The following KIF26B variants were observed in gnomAD, a reference collection of about 807,000 sequenced individuals.
KIF26B encodes the protein kinesin family member 26B, also known as kinesin-like protein KIF26B.
KIF26B carries 63 observed loss-of-function variants against 151.2 expected under a neutral mutation model. That is an observed-to-expected ratio of 0.42 (90% CI 0.34 to 0.51). KIF26B has a LOEUF of 0.51. Ranked by LOEUF, KIF26B falls within the 20% of genes least tolerant of loss-of-function variation. The pLI is 0.07. For synonymous variants in KIF26B, 1,357 were observed against 1,262.1 expected (o/e 1.08, Z -1.59); for missense variants, 2,813 against 2,913.6 (o/e 0.97, Z 0.79).
intron 2 of KIF26B, among the ~76,000 whole-genome samples, chr1:245,307,865 C>T (rs1268066909): frequency 6.6e-6 from 1 of 152,100 alleles, no homozygotes; most frequent in Non-Finnish European, 1.5e-5. Flanking sequence ...CTCAGCCTCC[C>T]AAGTAGCTGG....
chr1:245,528,565 T>G (rs1661293482), intron 4 of KIF26B, among the ~76,000 whole-genome samples: 1 of 152,154 alleles, frequency 6.6e-6, no homozygotes, highest in South Asian at 2.1e-4. Flanking sequence ...TGGGTGGAGA[T>G]AAATATTCAT....
At chr1:245,693,919 T>C (rs1290811202) in intron 12 of KIF26B, among the ~76,000 whole-genome samples, 1 of 152,212 alleles carries the variant, frequency 6.6e-6, no homozygotes, top group African/African-American at 2.4e-5. Flanking sequence ...CAGTTGAGAA[T>C]AGGTTCAGAA....
chr1:245,433,132 C>G (rs1658821250), intron 4 of KIF26B, among the ~76,000 whole-genome samples: 1 of 152,140 alleles, frequency 6.6e-6, no homozygotes, highest in Non-Finnish European at 1.5e-5. Context: ...TGCTTGAAAA[C>G]TTAGATCTCT....
At position 245,685,854 on chromosome 1, in the gene KIF26B, G is replaced by A; in HGVS notation, c.2871G>A (p.Glu957=). 1 of 1,612,752 alleles carries A rather than the reference G, an allele frequency of 6.2e-7. No homozygotes were observed. Among genetic ancestry groups the A allele is most frequent in the Non-Finnish European group, 8.5e-7 (1 of 1,179,786 alleles). ...FEELPAQFGP[E]QASRGPRLSQ... ...AACTGCCTGCTCAGTTTGGGCCAGA[G>A]CAGGCAAGCAGAGGCCCCCGGTTAA... Residue 957 remains glutamate (E), a synonymous_variant, in exon 12 of 15, where the codon GAG becomes GAA. Coordinates refer to ENST00000407071, the MANE Select transcript of KIF26B (RefSeq NM_018012.4).
chr1:245,555,360 G>C (rs1275562683), intron 5 of KIF26B, among the ~76,000 whole-genome samples: 1 of 152,192 alleles, frequency 6.6e-6, no homozygotes, highest in African/African-American at 2.4e-5. Context: ...AGTGCTCCGG[G>C]ACGCTTCTCG....
At position 245,564,989 on chromosome 1, in the gene KIF26B, C is replaced by T. The variant is rs1200467013; in HGVS notation, c.1350+24039C>T. ...AACAGGACACCGACTAGCACTGGTC[C>T]GTGGCCTGGGGGTTAGGGAGCCCTG... On this transcript the variant is annotated intron_variant, in intron 5 of 14. Coordinates refer to ENST00000407071, the MANE Select transcript of KIF26B (RefSeq NM_018012.4). This position sits in a 1 kb window ranked among gnomAD's most constrained non-coding sequence, Gnocchi z 4.6. Among the ~76,000 whole-genome samples, 1 of 152,034 alleles carries T rather than the reference C, an allele frequency of 6.6e-6. No individual in the cohort carries two copies. The highest frequency in any genetic ancestry group is 1.5e-5 in the Non-Finnish European group (1 of 68,020).
At chr1:245,368,845 C>T (rs1340412205) in intron 3 of KIF26B, among the ~76,000 whole-genome samples, 2 of 152,084 alleles carry the variant, frequency 1.3e-5, no homozygotes, top group Non-Finnish European at 2.9e-5. Flanking sequence ...TGACAAGAAT[C>T]CAGTCTTTGC....
chr1:245,404,373 G>A (rs1046480004), intron 3 of KIF26B, among the ~76,000 whole-genome samples: 32 of 152,244 alleles, frequency 2.1e-4, no homozygotes, highest in African/African-American at 7.0e-4. Context: ...TGGAAGAGAT[G>A]AACTCCCGGG....
chr1:245,498,046 T>C (rs1037483143), intron 4 of KIF26B, among the ~76,000 whole-genome samples: 1 of 152,200 alleles, frequency 6.6e-6, no homozygotes, highest in Non-Finnish European at 1.5e-5. Flanking sequence ...CATCTCAAAC[T>C]CCATATGTAA....
chr1:245,420,511 T>C (rs1477936812), intron 4 of KIF26B, among the ~76,000 whole-genome samples: 1 of 152,224 alleles, frequency 6.6e-6, no homozygotes, highest in Non-Finnish European at 1.5e-5. Flanking sequence ...TTTTTCTGTA[T>C]AACTCATGTT....
chr1:245,212,052 G>T lies in KIF26B; in HGVS notation c.465+55369G>T, dbSNP rs571047497. On this transcript the variant is annotated intron_variant, in intron 2 of 14. Transcript: ENST00000407071. ...CTTGAGGAAGGGTCCCCCCTTAGCC[G>T]TGGCCCAGGGACACTGCCCCTCCCC... is the stretch of plus-strand genomic sequence containing the variant. Among the ~76,000 whole-genome samples, 4 of 152,248 alleles carry T rather than the reference G, an allele frequency of 2.6e-5. No individual in the cohort carries two copies. In the South Asian group the frequency reaches 6.2e-4, roughly 24 times the overall value.
intron 4 of KIF26B, among the ~76,000 whole-genome samples, chr1:245,519,281 C>T (rs936443987): frequency 5.9e-5 from 9 of 152,160 alleles, no homozygotes; most frequent in African/African-American, 1.9e-4. Context: ...AGGCCAGGCA[C>T]AGTGGCTCAC....
intron 2 of KIF26B, among the ~76,000 whole-genome samples, chr1:245,335,207 C>T (rs1403636031): frequency 3.3e-5 from 5 of 152,164 alleles, no homozygotes; most frequent in South Asian, 2.1e-4. Flanking sequence ...TGAGGCATCA[C>T]GGACCCCAGA....
At chr1:245,640,160 T>TATACATATATATATATATATAC (rs796722836) in intron 9 of KIF26B, among the ~76,000 whole-genome samples, 3 of 54,850 alleles carry the variant, frequency 5.5e-5, no homozygotes, top group Non-Finnish European at 1.1e-4. Context: ...TATATATATA[T>TATACATATATATATATATATAC]ACCCTGCTAT....
At chr1:245,465,034 A>G (rs1249690188) in intron 4 of KIF26B, among the ~76,000 whole-genome samples, 1 of 136,174 alleles carries the variant, frequency 7.3e-6, no homozygotes, top group Non-Finnish European at 1.6e-5. Context: ...GCTGGAGTGC[A>G]GGGGCGCGAT....
At chr1:245,586,664 A>C (rs1227090157) in intron 5 of KIF26B, among the ~76,000 whole-genome samples, 1 of 151,572 alleles carries the variant, frequency 6.6e-6, no homozygotes, top group African/African-American at 2.4e-5. Context: ...CGGGTGGATC[A>C]TGAGGTCAGG....
intron 4 of KIF26B, among the ~76,000 whole-genome samples, chr1:245,468,304 A>C (rs1443946128): frequency 6.6e-6 from 1 of 152,188 alleles, no homozygotes; most frequent in East Asian, 1.9e-4. Flanking sequence ...ATGGAACCAG[A>C]CAGAGGGGGG....
At chr1:245,313,313 A>G (rs1381856978) in intron 2 of KIF26B, among the ~76,000 whole-genome samples, 2 of 152,234 alleles carry the variant, frequency 1.3e-5, no homozygotes, top group African/African-American at 4.8e-5. Flanking sequence ...GTCACTCTCC[A>G]GGGAAGATCT....
chr1:245,397,786 A>G (rs1260201228), intron 3 of KIF26B, among the ~76,000 whole-genome samples: 1 of 152,190 alleles, frequency 6.6e-6, no homozygotes, highest in Non-Finnish European at 1.5e-5. Context: ...GAGACAGCGG[A>G]CATGATTTTT....
Sources: gnomAD v4.1 joint callset for allele counts (sites outside exome capture counted in the v4.1 genomes callset) on GRCh38, gnomAD v4.1.1 for gene constraint, Gnocchi (gnomAD v3.1) non-coding constraint, MANE v1.5 for transcripts, NCBI Gene and HGNC (gene_info 2026-07-23, HGNC 2026-07-21) for gene names.